Variants in ASAP2 observed in about 807,000 individuals in gnomAD.
ASAP2 encodes the protein ArfGAP with SH3 domain, ankyrin repeat and PH domain 2, also known as arf-GAP with SH3 domain, ANK repeat and PH domain-containing protein 2.
Under a neutral mutation model 131.4 loss-of-function variants are expected in ASAP2, and 45 were observed. That is an observed-to-expected ratio of 0.34 (90% CI 0.27 to 0.44). ASAP2 has a LOEUF of 0.44. Among genes scored for constraint, ASAP2 ranks in the 20% least tolerant of loss-of-function variants. The probability of loss-of-function intolerance (pLI) is 1.00; values close to 1 mark genes in which losing one functional copy is unlikely to be tolerated. For synonymous variants in ASAP2, 510 were observed against 503.0 expected, an observed-to-expected ratio of 1.01 and a Z score of -0.19; for missense variants, 1,011 against 1,297.0, an observed-to-expected ratio of 0.78 and a Z score of 3.39.
At chr2:9,391,893 C>G (rs1027103343) in intron 23 of ASAP2, among the ~76,000 whole-genome samples, 2 of 151,534 alleles carry the variant, frequency 1.3e-5, no homozygotes, top group African/African-American at 4.9e-5. Context: ...CCTTGTTTTT[C>G]TTTTTAAGAC....
Position 9,392,060 on chromosome 2 carries a change from A to C in ASAP2, c.2518+864A>C, listed in dbSNP as rs867174565. ...TTTTTTGTAGAGACAGGGTTTTGCT[A>C]TGTTGCCCAGGCTCGAATTCCTGGG... On this transcript the variant is annotated intron_variant, in intron 23 of 27. Transcript: ENST00000281419. This position sits in a 1 kb window ranked among gnomAD's most constrained non-coding sequence, Gnocchi z 4.0. 1.3e-5 allele frequency among the ~76,000 whole-genome samples: 2 copies of C among 152,054 alleles called. No individual in the cohort carries two copies. Among genetic ancestry groups the C allele is most frequent in the Middle Eastern group, 3.4e-3 (1 of 294 alleles).
chr2:9,211,833 AAC>A (rs1228209470), intron 1 of ASAP2, among the ~76,000 whole-genome samples: 1 of 152,156 alleles, frequency 6.6e-6, no homozygotes, highest in African/African-American at 2.4e-5. Context: ...TTGTTTGAAA[AAC>A]AGTTCCTCCA....
chr2:9,209,575 A>G (rs1402649647), intron 1 of ASAP2, among the ~76,000 whole-genome samples: 1 of 152,188 alleles, frequency 6.6e-6, no homozygotes, highest in African/African-American at 2.4e-5. Flanking sequence ...TTTTATATTT[A>G]TTTATTTATT....
At chr2:9,380,356 C>A (rs1674740411) in intron 19 of ASAP2, among the ~76,000 whole-genome samples, 1 of 152,108 alleles carries the variant, frequency 6.6e-6, no homozygotes, top group African/African-American at 2.4e-5. Context: ...TGCCACCACG[C>A]CTGGCTAATC....
At chr2:9,322,761 GA>G (rs1302742307) in intron 5 of ASAP2, among the ~76,000 whole-genome samples, 1 of 152,188 alleles carries the variant, frequency 6.6e-6, no homozygotes, top group African/African-American at 2.4e-5. Flanking sequence ...GGAAGTCCAG[GA>G]GGAGAAACAG....
At chr2:9,209,894 C>A (rs1211862997) in intron 1 of ASAP2, among the ~76,000 whole-genome samples, 2 of 152,212 alleles carry the variant, frequency 1.3e-5, no homozygotes, top group African/African-American at 4.8e-5. Context: ...AACTGATTAA[C>A]CTTTTTGAAT....
At chr2:9,317,502 T>C (rs1286385713) in intron 3 of ASAP2, among the ~76,000 whole-genome samples, 1 of 138,138 alleles carries the variant, frequency 7.2e-6, no homozygotes, top group East Asian at 2.4e-4. Flanking sequence ...CACACCCACT[T>C]ACACCCCCAC....
intron 1 of ASAP2, among the ~76,000 whole-genome samples, chr2:9,248,307 A>G (rs1664474726): frequency 6.6e-6 from 1 of 152,240 alleles, no homozygotes; most frequent in Admixed American, 6.5e-5. Context: ...TTAATAAAAG[A>G]GGAAAATACA....
At chr2:9,334,710 C>G in intron 7 of ASAP2, 28 bp from the exon 8 acceptor site, 2 of 1,596,136 alleles carry the variant, frequency 1.3e-6, no homozygotes, top group Non-Finnish European at 1.7e-6. Flanking sequence ...TGTGAAATGT[C>G]ATCTCTGTTT....
intron 7 of ASAP2, among the ~76,000 whole-genome samples, chr2:9,329,477 T>C (rs1385364514): frequency 6.6e-6 from 1 of 151,972 alleles, no homozygotes; most frequent in Non-Finnish European, 1.5e-5. Flanking sequence ...TTTAACTGAG[T>C]TTATGAAAAG....
At chr2:9,335,057 T>G (rs749756259) in intron 8 of ASAP2, 36 bp from the exon 9 acceptor site, 1 of 1,598,156 alleles carries the variant, frequency 6.3e-7, no homozygotes, top group South Asian at 1.1e-5. Context: ...GTCTTAATTT[T>G]CTGATTGGTT....
chr2:9,231,053 A>G (rs1336438606), intron 1 of ASAP2, among the ~76,000 whole-genome samples: 1 of 152,112 alleles, frequency 6.6e-6, no homozygotes, highest in African/African-American at 2.4e-5. Context: ...TTGCGGTTCT[A>G]TGTCGGTCAC....
At chr2:9,395,935 A>C (rs989214277) in intron 24 of ASAP2, among the ~76,000 whole-genome samples, 10 of 151,874 alleles carry the variant, frequency 6.6e-5, no homozygotes, top group Non-Finnish European at 1.3e-4. Flanking sequence ...GGAGTAGAGA[A>C]ATAAAGTTAA....
At chr2:9,222,953 C>G (rs534623568) in intron 1 of ASAP2, among the ~76,000 whole-genome samples, 30 of 152,262 alleles carry the variant, frequency 2.0e-4, no homozygotes, top group South Asian at 4.1e-4. Flanking sequence ...CTTTCATTGC[C>G]TTGGTCTATT....
At chr2:9,239,045 G>A (rs368881769) in intron 1 of ASAP2, among the ~76,000 whole-genome samples, 23 of 152,132 alleles carry the variant, frequency 1.5e-4, no homozygotes, top group Non-Finnish European at 2.6e-4. Context: ...GTCCCGTGGC[G>A]TTAGCAGCAA....
intron 2 of ASAP2, among the ~76,000 whole-genome samples, chr2:9,285,952 CTGTTGTTTGCAG>C (rs1208790558): frequency 6.6e-6 from 1 of 152,162 alleles, no homozygotes; most frequent in Non-Finnish European, 1.5e-5. Flanking sequence ...GTGTTCCTGC[CTGTTGTTTGCAG>C]TGTTAATTGG....
intron 1 of ASAP2, among the ~76,000 whole-genome samples, chr2:9,236,106 C>T (rs1045191309): frequency 3.9e-5 from 6 of 152,044 alleles, no homozygotes; most frequent in African/African-American, 1.4e-4. Flanking sequence ...GGTCAAAAGG[C>T]TTCAGGTGAT....
intron 7 of ASAP2, among the ~76,000 whole-genome samples, chr2:9,334,490 A>G (rs551491897): frequency 3.3e-5 from 5 of 152,112 alleles, no homozygotes; most frequent in Non-Finnish European, 7.3e-5. Context: ...TCAAGGCCTC[A>G]TTTTATATGG....
intron 15 of ASAP2, 52 bp from the exon 16 acceptor site, chr2:9,368,372 CA>C (rs1285827408): frequency 6.9e-7 from 1 of 1,447,826 alleles, no homozygotes; most frequent in Non-Finnish European, 9.7e-7. Context: ...TAATGTGTAG[CA>C]GTAGAATGTA....
Sources: gnomAD v4.1 joint callset for allele counts (sites outside exome capture counted in the v4.1 genomes callset) on GRCh38, gnomAD v4.1.1 for gene constraint, Gnocchi (gnomAD v3.1) non-coding constraint, MANE v1.5 for transcripts, NCBI Gene and HGNC (gene_info 2026-07-23, HGNC 2026-07-21) for gene names.